The following UMODL1 variants were observed in gnomAD, a reference collection of about 807,000 sequenced individuals.
UMODL1 encodes the protein uromodulin-like 1.
Under a neutral mutation model 136.3 loss-of-function variants are expected in UMODL1, and 128 were observed. That is an observed-to-expected ratio of 0.94 (90% CI 0.81 to 1.09). UMODL1 has a LOEUF of 1.09. UMODL1 is among the 50% of genes least tolerant of loss of function. The probability of loss-of-function intolerance (pLI) is 0.00; values close to 1 mark genes in which losing one functional copy is unlikely to be tolerated. For synonymous variants in UMODL1, 721 were observed against 720.0 expected, an observed-to-expected ratio of 1.00 and a Z score of -0.02; for missense variants, 1,766 against 1,725.6, an observed-to-expected ratio of 1.02 and a Z score of -0.41.
In UMODL1 at chr21:42,090,304, A is replaced by G. The variant is rs1017665688; in HGVS notation, c.797A>G (p.Asn266Ser). 5.0e-6 allele frequency: 8 copies of G among 1,614,144 alleles called. No individual in the cohort carries two copies. The highest frequency in any genetic ancestry group is 2.7e-5 in the African/African-American group (2 of 75,030). ...EVISVQVQDV[N>S]ECFYEELNAC... ...CTGCTCTCCTTCCCTGTAGATGTCA[A>G]TGAGTGTTTCTATGAGGAGCTCAAT... Residue 266 changes from asparagine (N) to serine (S), a missense_variant, in exon 6 of 23, where the codon AAT becomes AGT. Coordinates refer to ENST00000408910, the MANE Select transcript of UMODL1 (RefSeq NM_001004416.3).
chr21:42,071,012 T>C (rs1237705143), upstream of UMODL1, among the ~76,000 whole-genome samples: 4 of 152,258 alleles, frequency 2.6e-5, no homozygotes, highest in Non-Finnish European at 5.9e-5. Flanking sequence ...GATCCAGCGA[T>C]GCGGTCTGGG....
intron 22 of UMODL1, among the ~76,000 whole-genome samples, chr21:42,140,891 T>C (rs1291389552): frequency 6.6e-6 from 1 of 152,154 alleles, no homozygotes; most frequent in Non-Finnish European, 1.5e-5. Flanking sequence ...CTCAGTTTGG[T>C]AGCTTTTGGC....
In UMODL1 at chr21:42,111,018, C is replaced by A. The variant is rs763508006; in HGVS notation, c.1796C>A (p.Pro599Gln). The A allele has an allele frequency of 1.9e-6, 3 of 1,612,824 alleles. No individual in the cohort carries two copies. Among genetic ancestry groups the A allele is most frequent in the South Asian group, 2.2e-5 (2 of 90,822 alleles). ...SPSPGYPQGT[P>Q]AAGQAWTPEP... is the part of the protein sequence containing the mutation. ...AGTCCTGGGTACCCTCAGGGCACCC[C>A]GGCAGCAGGCCAGGCCTGGACCCCA... Residue 599 changes from proline to glutamine, a missense_variant, in exon 11 of 23, where the codon CCG becomes CAG. Transcript: ENST00000408910.
chr21:42,124,729 G>C (rs953792503), intron 17 of UMODL1, among the ~76,000 whole-genome samples: 3 of 152,016 alleles, frequency 2.0e-5, no homozygotes, highest in Admixed American at 2.0e-4. Context: ...GTCGTTGGCG[G>C]GAACTCTGGG....
In UMODL1 at chr21:42,127,888, G is replaced by A. The variant is rs576313107; in HGVS notation, c.3690+57G>A. On this transcript the variant is annotated intron_variant, in intron 20 of 22. Coordinates refer to ENST00000408910, the MANE Select transcript of UMODL1 (RefSeq NM_001004416.3). ...TTGGATTCACGTTCCTTATTGTTAC[G>A]GTTCGAGGCTCTGTTAATAAAAACC... 3.7e-5 allele frequency: 59 copies of A among 1,602,250 alleles called. 1 individual carries two copies. The highest frequency in any genetic ancestry group is 3.5e-4 in the South Asian group (31 of 89,648).
intron 21 of UMODL1, among the ~76,000 whole-genome samples, chr21:42,133,665 C>A (rs747701345): frequency 3.8e-4 from 58 of 152,344 alleles, no homozygotes; most frequent in Admixed American, 5.9e-4. Flanking sequence ...CTTGCCGCTT[C>A]CTCGTTTCTG....
chr21:42,065,389 C>G (rs1205877397), intron 1 of UMODL1, among the ~76,000 whole-genome samples: 1 of 152,164 alleles, frequency 6.6e-6, no homozygotes, highest in Admixed American at 6.5e-5. Context: ...CCTGATGGGT[C>G]TAGAAGCACC....
At chr21:42,119,923 A>C (rs915028980) in intron 15 of UMODL1, among the ~76,000 whole-genome samples, 1 of 152,262 alleles carries the variant, frequency 6.6e-6, no homozygotes, top group Admixed American at 6.5e-5. Context: ...ATCAAAATAA[A>C]GGCACCATTT....
At chr21:42,131,003 C>A (rs7283102) in intron 21 of UMODL1, among the ~76,000 whole-genome samples, 1 of 151,956 alleles carries the variant, frequency 6.6e-6, no homozygotes, top group East Asian at 1.9e-4. Flanking sequence ...TTAGTAGAGA[C>A]GGAGTTTCAC....
intron 6 of UMODL1, chr21:42,093,865 C>G: frequency 2.2e-6 from 1 of 456,696 alleles, no homozygotes; most frequent in Middle Eastern, 3.3e-4. Flanking sequence ...CTCCTGTACC[C>G]CGCAGCACGT....
chr21:42,069,233 C>CAG (rs1485033549), upstream of UMODL1, among the ~76,000 whole-genome samples: 1 of 142,846 alleles, frequency 7.0e-6, no homozygotes, highest in Non-Finnish European at 1.5e-5. Flanking sequence ...GACAGAAACA[C>CAG]ACACACACAC....
intron 6 of UMODL1, chr21:42,093,735 G>A (rs907016902): frequency 2.7e-6 from 1 of 374,702 alleles, no homozygotes; most frequent in Non-Finnish European, 5.4e-6. Flanking sequence ...CAAAGAGCAG[G>A]CACTCCACAA....
intron 12 of UMODL1, among the ~76,000 whole-genome samples, 189 bp downstream of exon 12, chr21:42,111,899 T>C (rs940628890): frequency 6.6e-6 from 1 of 152,156 alleles, no homozygotes; most frequent in Non-Finnish European, 1.5e-5. Context: ...GGAAGACAGC[T>C]TGGTCCCCTT....
rs372915114 is a variant in UMODL1 at position 42,109,672 on chromosome 21, C to T, written c.1630C>T (p.Pro544Ser). 1.2e-6 allele frequency: 2 copies of T among 1,606,126 alleles called. No individual in the cohort carries two copies. Among genetic ancestry groups the T allele is most frequent in the Non-Finnish European group, 1.7e-6 (2 of 1,179,984 alleles). Residue 544 changes from proline (P) to serine (S), a missense_variant, in exon 10 of 23, where the codon CCC becomes TCC. Coordinates refer to ENST00000408910, the MANE Select transcript of UMODL1 (RefSeq NM_001004416.3). ...GTGCCGTACCACCAGGGACGCCACC[C>T]CCTCCCGCGCAGGCCGGGCCTGTGA... ...CQCRTTRDAT[P>S]SRAGRACEGD...
At chr21:42,075,247 G>C (rs559663998) in intron 1 of UMODL1, among the ~76,000 whole-genome samples, 5 of 151,912 alleles carry the variant, frequency 3.3e-5, no homozygotes, top group Non-Finnish European at 5.9e-5. Context: ...GAGATGGGGG[G>C]GGGGTTTCAC....
chr21:42,122,775 C>T lies in UMODL1; in HGVS notation c.2828-56C>T. 1 of 1,521,096 alleles carries T rather than the reference C, an allele frequency of 6.6e-7. No individual in the cohort carries two copies. Among genetic ancestry groups the T allele is most frequent in the South Asian group, 1.3e-5 (1 of 76,360 alleles). 94.2% of individuals were successfully genotyped at this position (1,521,096 alleles called of 1,614,324 possible). ...AGTCTGCTCCTTACCCCTGCCCCTC[C>T]ATGCCAACCCCAAACACAGAGCCAC... On this transcript the variant is annotated intron_variant, in intron 16 of 22. Transcript: ENST00000408910. This position sits in a 1 kb window ranked among gnomAD's most constrained non-coding sequence, Gnocchi z 4.3.
At chr21:42,072,270 A>T (rs564528860) in intron 1 of UMODL1, among the ~76,000 whole-genome samples, 6 of 152,214 alleles carry the variant, frequency 3.9e-5, no homozygotes, top group Non-Finnish European at 8.8e-5. Context: ...AATCCAGGGA[A>T]ATGGGACTGC....
chr21:42,128,263 C>G (rs760884701), intron 20 of UMODL1: 1 of 297,592 alleles, frequency 3.4e-6, no homozygotes, highest in African/African-American at 2.2e-5. Flanking sequence ...CTTTGTTCAA[C>G]AATCATGCAG....
chr21:42,076,762 T>G (rs1187548185), intron 2 of UMODL1, among the ~76,000 whole-genome samples: 1 of 152,202 alleles, frequency 6.6e-6, no homozygotes, highest in Non-Finnish European at 1.5e-5. Flanking sequence ...AATCCTATTC[T>G]GAACTCCAAT....
Sources: allele counts gnomAD v4.1 joint callset (sites outside exome capture counted in the v4.1 genomes callset), GRCh38; gene constraint gnomAD v4.1.1; non-coding constraint Gnocchi (gnomAD v3.1); transcripts MANE v1.5; gene names NCBI Gene and HGNC (gene_info 2026-07-23, HGNC 2026-07-21).